Variants in ABCB1 observed in about 807,000 individuals in gnomAD.
ABCB1 encodes ATP-dependent translocase ABCB1.
A neutral mutation model predicts 142.0 loss-of-function variants in ABCB1; 69 were observed. The ratio of observed to expected loss-of-function variants is 0.49; its 90% CI spans 0.40 to 0.59. ABCB1 has a LOEUF of 0.59. Among genes scored for constraint, ABCB1 ranks in the 20% least tolerant of loss-of-function variants. The pLI, the probability that ABCB1 is intolerant of heterozygous loss-of-function variation, is 0.00. For synonymous variants in ABCB1, 532 were observed against 539.2 expected (o/e 0.99, Z 0.18); for missense variants, 1,326 against 1,554.7 (o/e 0.85, Z 2.47).
intron 1 of ABCB1, among the ~76,000 whole-genome samples, chr7:87,608,690 T>G (rs548034563): frequency 2.6e-5 from 4 of 152,204 alleles, no homozygotes; most frequent in Non-Finnish European, 5.9e-5. Context: ...TTATGATTCA[T>G]AGACTTTGAA....
intron 1 of ABCB1, among the ~76,000 whole-genome samples, chr7:87,698,812 G>A (rs1828745676): frequency 6.6e-6 from 1 of 152,158 alleles, no homozygotes; most frequent in African/African-American, 2.4e-5. Context: ...TAAGCACAGG[G>A]TCCTGTGCCA....
chr7:87,580,283 T>C (rs1163628332), intron 4 of ABCB1, among the ~76,000 whole-genome samples: 1 of 152,196 alleles, frequency 6.6e-6, no homozygotes, highest in Middle Eastern at 3.2e-3. Flanking sequence ...AAAGTATTTA[T>C]TTCTCCTTCA....
chr7:87,534,773 G>A (rs139774375), intron 20 of ABCB1, among the ~76,000 whole-genome samples: 37 of 151,896 alleles, frequency 2.4e-4, no homozygotes, highest in African/African-American at 8.7e-4. Context: ...AAATTAGCTC[G>A]ACATGGTGGT....
chr7:87,551,348 G>A (rs1223031718), intron 9 of ABCB1, among the ~76,000 whole-genome samples: 3 of 152,170 alleles, frequency 2.0e-5, no homozygotes, highest in Admixed American at 6.5e-5. Context: ...CACCTCAAAA[G>A]GTGTCAAGTG....
At chr7:87,672,262 C>T (rs529563381) in intron 1 of ABCB1, among the ~76,000 whole-genome samples, 10 of 152,178 alleles carry the variant, frequency 6.6e-5, no homozygotes, top group Non-Finnish European at 1.5e-4. Flanking sequence ...AGCAGTCTAG[C>T]CACATTTTGG....
rs532665788 is a variant in ABCB1, at chr7:87,584,594, T to C, written c.286+918A>G. Among the ~76,000 whole-genome samples, 22 of 152,300 alleles carry C rather than the reference T, an allele frequency of 1.4e-4. No individual in the cohort carries two copies. The South Asian group carries it at 4.6e-3, about 32-fold the overall frequency. ...GAATATGTATGTTACACCCAGATTA[T>C]TTCTGTAGTCTATTCACTTTCCCAC... On this transcript the variant is annotated intron_variant, in intron 4 of 27. Transcript: ENST00000622132.
At chr7:87,600,718 C>T (rs1466247243) in intron 1 of ABCB1, 37 bp downstream of exon 1, 1 of 162,020 alleles carries the variant, frequency 6.2e-6, no homozygotes, top group East Asian at 1.7e-4. Context: ...CACTTGGGAA[C>T]TGTCCCATAG....
rs763019957 is a variant in ABCB1, at chr7:87,585,520, G to A, written c.278C>T (p.Thr93Ile). The change falls in exon 4 of 28, where the codon ACT becomes ATT. Residue 93 changes from threonine to isoleucine, a missense_variant. Thr to Ile is a moderately conservative substitution (Grantham distance 89). Transcript: ENST00000622132. ...GNLEDLMSNI[T>I]NRSDINDTGF... The stretch of plus-strand genomic sequence containing the variant: ...ACACAAACAATACTTACTTCTATTA[G>A]TGATGTTTGACATCAGATCTTCTAA... The A allele has an allele frequency of 5.4e-5, 87 of 1,613,364 alleles. No individual in the cohort carries two copies. Among genetic ancestry groups the A allele is most frequent in the Non-Finnish European group, 7.4e-5 (87 of 1,179,794 alleles).
At chr7:87,519,073 T>A in intron 23 of ABCB1, 2 of 540,922 alleles carry the variant, frequency 3.7e-6, no homozygotes, top group Non-Finnish European at 3.3e-6. Context: ...CCGAATGGAA[T>A]CACTCCACTC....
chr7:87,587,832 A>G (rs985239383), intron 3 of ABCB1, among the ~76,000 whole-genome samples: 17 of 145,512 alleles, frequency 1.2e-4, no homozygotes, highest in East Asian at 4.2e-4. Context: ...CCGAGATCGC[A>G]CCACTGCACT....
rs377000122 is a variant in ABCB1 at position 87,563,135 on chromosome 7, AC to A, written c.703-1749del. On this transcript the variant is annotated intron_variant, in intron 7 of 27. Coordinates refer to ENST00000622132, the MANE Select transcript of ABCB1 (RefSeq NM_001348946.2). ...AGGAAGAAATAAAATCCCTGAACAG[AC>A]CAATAAAGAGTTCTGAAATTGAGGC... Among the ~76,000 whole-genome samples, 6 of 152,282 alleles carry A rather than the reference AC, an allele frequency of 3.9e-5. No individual in the cohort carries two copies. The East Asian group carries it at 1.2e-3, about 29-fold the overall frequency.
intron 7 of ABCB1, among the ~76,000 whole-genome samples, chr7:87,565,114 A>G (rs1817735510): frequency 6.6e-6 from 1 of 152,264 alleles, no homozygotes; most frequent in South Asian, 2.1e-4. Flanking sequence ...CATTTGCGTG[A>G]CAATAAATGC....
At chr7:87,707,184 A>G (rs1462654408) in intron 1 of ABCB1, among the ~76,000 whole-genome samples, 1 of 152,186 alleles carries the variant, frequency 6.6e-6, no homozygotes, top group Non-Finnish European at 1.5e-5. Context: ...TGTCTAGTAT[A>G]CAGTAAAAAA....
At chr7:87,561,530 G>A in intron 7 of ABCB1, 143 bp from the exon 8 acceptor site, 1 of 802,446 alleles carries the variant, frequency 1.2e-6, no homozygotes, top group East Asian at 2.8e-5. Context: ...CCTTTGGTCT[G>A]TATTAACAGC....
chr7:87,578,182 T>C lies in ABCB1; in HGVS notation c.286+7330A>G, dbSNP rs183549818. On this transcript the variant is annotated intron_variant, in intron 4 of 27. Coordinates refer to ENST00000622132, the MANE Select transcript of ABCB1 (RefSeq NM_001348946.2). ...CACCATTTTTTGAAGAGACGGTCTTTTCCCCAATATACATTCTTAGAAACT... is the reference window on the plus strand; with the variant it reads ...CACCATTTTTTGAAGAGACGGTCTTCTCCCCAATATACATTCTTAGAAACT... Among the ~76,000 whole-genome samples, 251 of 152,358 alleles carry C rather than the reference T, an allele frequency of 1.6e-3. 1 individual carries two copies. Among genetic ancestry groups the C allele is most frequent in the Middle Eastern group, 6.8e-3 (2 of 294 alleles).
upstream of ABCB1, chr7:87,603,210 G>T (rs529207491): frequency 6.6e-6 from 1 of 152,046 alleles, no homozygotes; most frequent in Non-Finnish European, 1.5e-5. Context: ...CATTTATCAG[G>T]AACTGCCAAG....
At chr7:87,574,722 G>C (rs77656064) in intron 4 of ABCB1, among the ~76,000 whole-genome samples, 2 of 152,198 alleles carry the variant, frequency 1.3e-5, no homozygotes, top group East Asian at 1.9e-4. Flanking sequence ...ATAAACTAAA[G>C]TATTACATCA....
At chr7:87,651,063 T>A in intron 1 of ABCB1, 1 of 615,878 alleles carries the variant, frequency 1.6e-6, no homozygotes. Flanking sequence ...TGTCAAATCT[T>A]TTGGCCTGTG....
chr7:87,705,042 C>G (rs940597895), intron 1 of ABCB1, among the ~76,000 whole-genome samples: 2 of 152,198 alleles, frequency 1.3e-5, no homozygotes, highest in African/African-American at 4.8e-5. Context: ...ACTTGTATCA[C>G]AATTATATCA....
Sources: gnomAD v4.1 joint callset for allele counts (sites outside exome capture counted in the v4.1 genomes callset) on GRCh38, gnomAD v4.1.1 for gene constraint, MANE v1.5 for transcripts, NCBI Gene and HGNC (gene_info 2026-07-23, HGNC 2026-07-21) for gene names.